The following SLC71A1 variants were observed in gnomAD, a reference collection of about 807,000 sequenced individuals.
The protein encoded by SLC71A1 is hippocampus abundant gene transcript 1.
chr1:100,080,921 C>T, the SLC71A1 span, among the ~76,000 whole-genome samples: 5 of 152,190 alleles, frequency 3.3e-5, no homozygotes, highest in Non-Finnish European at 4.4e-5. Context: ...CTCTTTACTA[C>T]TAGTCTCTTT....
chr1:100,080,259 CTATGTGAGACCTA>C, the SLC71A1 span: 1 of 334,950 alleles, frequency 3.0e-6, no homozygotes, highest in Non-Finnish European at 5.4e-6. Flanking sequence ...CCACTTGTTT[CTATGTGAGACCTA>C]TATATGGGTA....
the SLC71A1 span, among the ~76,000 whole-genome samples, chr1:100,063,629 A>G: frequency 6.6e-6 from 1 of 152,088 alleles, no homozygotes; most frequent in African/African-American, 2.4e-5. Context: ...GACCCCATCT[A>G]TACAGGAACT....
At chr1:100,038,195 G>T in the SLC71A1 span, 2 of 1,524,666 alleles carry the variant, frequency 1.3e-6, no homozygotes, top group East Asian at 2.5e-5. Context: ...GCCGCCCCGG[G>T]AGTGGCTGCA....
At chr1:100,067,647 A>C in the SLC71A1 span, among the ~76,000 whole-genome samples, 1 of 151,892 alleles carries the variant, frequency 6.6e-6, no homozygotes, top group Non-Finnish European at 1.5e-5. Context: ...TTCCACCTCT[A>C]TAAAAAATAA....
the SLC71A1 span, among the ~76,000 whole-genome samples, chr1:100,073,614 A>C: frequency 6.6e-6 from 1 of 152,214 alleles, no homozygotes; most frequent in Non-Finnish European, 1.5e-5. Context: ...ACAACCTGGA[A>C]TATCTTGTTA....
At chr1:100,039,114 T>A in the SLC71A1 span, among the ~76,000 whole-genome samples, 2,040 of 152,334 alleles carry the variant, frequency 0.013, 18 homozygotes, top group Middle Eastern at 0.058. Flanking sequence ...GTTAACCAGC[T>A]GGGGACGTAG....
the SLC71A1 span, chr1:100,060,083 CT>C: frequency 2.3e-6 from 3 of 1,328,328 alleles, no homozygotes; most frequent in Non-Finnish European, 3.1e-6. Flanking sequence ...ATTTCTTTCA[CT>C]TGTGCCATCT....
the SLC71A1 span, among the ~76,000 whole-genome samples, chr1:100,051,631 G>A: frequency 6.6e-6 from 1 of 152,076 alleles, no homozygotes; most frequent in Non-Finnish European, 1.5e-5. Context: ...TTTGTCAAGG[G>A]TTACTGAAGT....
the SLC71A1 span, among the ~76,000 whole-genome samples, chr1:100,060,516 C>G: frequency 6.6e-6 from 1 of 152,140 alleles, no homozygotes; most frequent in African/African-American, 2.4e-5. Context: ...TGCTGTTCTT[C>G]CATCCTCATC....
At chr1:100,077,420 C>T in the SLC71A1 span, 1 of 570,498 alleles carries the variant, frequency 1.8e-6, no homozygotes, top group South Asian at 2.5e-5. Context: ...TATAAGTCTG[C>T]CACTTGTATA....
At chr1:100,045,534 A>C in the SLC71A1 span, among the ~76,000 whole-genome samples, 6 of 152,056 alleles carry the variant, frequency 3.9e-5, no homozygotes, top group African/African-American at 1.4e-4. Flanking sequence ...AAATTTTTTA[A>C]TTACTATGGG....
the SLC71A1 span, among the ~76,000 whole-genome samples, chr1:100,052,320 G>C: frequency 6.6e-6 from 1 of 151,386 alleles, no homozygotes; most frequent in African/African-American, 2.4e-5. Context: ...TTTTTTCCTA[G>C]TTGGACAAAG....
chr1:100,059,950 C>T, the SLC71A1 span: 7 of 1,613,066 alleles, frequency 4.3e-6, no homozygotes, highest in Admixed American at 1.2e-4. Context: ...ATCCTTCTTG[C>T]TGCTAACGGT....
chr1:100,053,904 G>T, the SLC71A1 span, among the ~76,000 whole-genome samples: 3 of 152,104 alleles, frequency 2.0e-5, no homozygotes, highest in African/African-American at 7.2e-5. Flanking sequence ...TATATGGTTG[G>T]TCATAGTAGA....
the SLC71A1 span, chr1:100,050,082 T>TTC: frequency 8.8e-5 from 69 of 779,980 alleles, no homozygotes; most frequent in African/African-American, 1.1e-3. Context: ...TGTGGGCCTT[T>TTC]TCCCTTTGCA....
chr1:100,045,337 C>T, the SLC71A1 span, among the ~76,000 whole-genome samples: 5 of 152,022 alleles, frequency 3.3e-5, no homozygotes, highest in Non-Finnish European at 5.9e-5. Context: ...TGATTTGTGT[C>T]ATTGATTTTG....
the SLC71A1 span, among the ~76,000 whole-genome samples, chr1:100,075,904 C>G: frequency 6.6e-6 from 1 of 152,190 alleles, no homozygotes; most frequent in African/African-American, 2.4e-5. Context: ...TCTCAAACTC[C>G]TGGGTTCAAG....
chr1:100,060,216 A>C, the SLC71A1 span, among the ~76,000 whole-genome samples: 1 of 152,194 alleles, frequency 6.6e-6, no homozygotes, highest in Admixed American at 6.5e-5. Context: ...ACACTGTTGG[A>C]GGCATCTAGA....
chr1:100,064,355 C>T, the SLC71A1 span, among the ~76,000 whole-genome samples: 7 of 152,168 alleles, frequency 4.6e-5, no homozygotes, highest in African/African-American at 1.7e-4. Context: ...TTGTCTTGAA[C>T]TCCTGACCTT....
Sources: gnomAD v4.1 joint callset for allele counts (sites outside exome capture counted in the v4.1 genomes callset) on GRCh38, gnomAD v4.1.1 for gene constraint, MANE v1.5 for transcripts, NCBI Gene and HGNC (gene_info 2026-07-23, HGNC 2026-07-21) for gene names.